TOPBP1: variants seen among roughly 807,000 people sequenced by gnomAD.
TOPBP1 encodes the protein DNA topoisomerase II binding protein 1.
Under a neutral mutation model 167.7 loss-of-function variants are expected in TOPBP1, and 28 were observed. The observed-to-expected ratio is 0.17, with a 90% CI of 0.12 to 0.23. The LOEUF is 0.23. Among genes scored for constraint, TOPBP1 ranks in the 10% least tolerant of loss-of-function variants. The probability of loss-of-function intolerance (pLI) is 1.00; values close to 1 mark genes in which losing one functional copy is unlikely to be tolerated. For synonymous variants in TOPBP1, 598 were observed against 611.4 expected (o/e 0.98, Z 0.32); for missense variants, 1,554 against 1,809.6 (o/e 0.86, Z 2.56).
intron 4 of TOPBP1, 103 bp from the exon 5 acceptor site, chr3:133,656,960 CA>C: frequency 9.5e-7 from 1 of 1,054,384 alleles, no homozygotes; most frequent in Non-Finnish European, 1.3e-6. Context: ...AGTTTGAATA[CA>C]TAAGTGTTAC....
At chr3:133,655,873 T>C (rs1260928635) in intron 5 of TOPBP1, among the ~76,000 whole-genome samples, 1 of 152,158 alleles carries the variant, frequency 6.6e-6, no homozygotes, top group Non-Finnish European at 1.5e-5. Context: ...GTAAAAGCAA[T>C]GATTTTTGGC....
At chr3:133,637,849 T>C (rs1300014194) in intron 14 of TOPBP1, 27 bp downstream of exon 14, 2 of 1,608,280 alleles carry the variant, frequency 1.2e-6, no homozygotes, top group Admixed American at 3.4e-5. Context: ...AACTGTTAAC[T>C]CTGGGACCAC....
At chr3:133,610,601 G>A (rs531369118) in intron 25 of TOPBP1, among the ~76,000 whole-genome samples, 11 of 145,900 alleles carry the variant, frequency 7.5e-5, no homozygotes, top group African/African-American at 2.8e-4. Context: ...GGAAGTGCTA[G>A]TTTTCTCAAA....
chr3:133,620,596 G>A (rs538524478), intron 19 of TOPBP1, among the ~76,000 whole-genome samples: 8 of 109,536 alleles, frequency 7.3e-5, no homozygotes, highest in Non-Finnish European at 1.7e-4. Flanking sequence ...TTTTTTTTTG[G>A]TGATAGTCTA....
intron 12 of TOPBP1, among the ~76,000 whole-genome samples, chr3:133,641,839 CA>C (rs1221159233): frequency 2.0e-5 from 3 of 152,010 alleles, no homozygotes; most frequent in African/African-American, 7.2e-5. Context: ...CAGAAAACAG[CA>C]AAAAAAGAAA....
At chr3:133,628,190 T>C (rs1550742) in intron 16 of TOPBP1, 172 bp downstream of exon 16, 452,639 of 617,618 alleles carry the variant, frequency 0.73, 166,945 homozygotes, top group African/African-American at 0.79. Flanking sequence ...TGAATTGATA[T>C]GTGAGAGGCT....
Position 133,624,018 on chromosome 3 carries a change from T to C in TOPBP1, c.2928+34A>G, listed in dbSNP as rs1187654286. On this transcript the variant is annotated intron_variant, in intron 17 of 27. Coordinates refer to ENST00000260810, the MANE Select transcript of TOPBP1 (RefSeq NM_007027.4). ...AATAATGTTTGTATACATTTTCAAT[T>C]AACAGAGATGGGGGGGAAAAAAGCA... 9 of 1,594,318 alleles carry C rather than the reference T, an allele frequency of 5.6e-6. No individual in the cohort carries two copies. The African/African-American group carries it at 1.1e-4, about 19-fold the overall frequency.
At chr3:133,661,228 G>T in intron 1 of TOPBP1, 94 bp from the exon 2 acceptor site, 1 of 873,162 alleles carries the variant, frequency 1.1e-6, no homozygotes, top group Non-Finnish European at 1.7e-6. Context: ...AGACAAGAAT[G>T]CCTAAAGACA....
At chr3:133,620,681 T>C (rs1030454035) in intron 19 of TOPBP1, among the ~76,000 whole-genome samples, 15 of 151,006 alleles carry the variant, frequency 9.9e-5, no homozygotes, top group Admixed American at 4.6e-4. Flanking sequence ...CAAGCAATTC[T>C]CCCTGCCTCA....
Position 133,628,665 on chromosome 3 carries a change from G to A in TOPBP1, c.2589C>T (p.Leu863=), listed in dbSNP as rs1576295399. The change falls in exon 15 of 28, where the codon CTC becomes CTT. Residue 863 remains leucine (L), a synonymous_variant. Transcript: ENST00000260810. The part of the protein sequence containing the change: ...SQQKRKPSTP[L]SEVIVKNLQL... ...GCAAGTTTTTGACAATAACTTCTGA[G>A]AGTGGCGTACTCGGTTTCCTTTTCT... The A allele has an allele frequency of 6.3e-7, 1 of 1,577,630 alleles. No homozygotes were observed. Among genetic ancestry groups the A allele is most frequent in the East Asian group, 2.3e-5 (1 of 43,142 alleles).
chr3:133,615,395 T>C (rs1460384562), intron 23 of TOPBP1, among the ~76,000 whole-genome samples: 2 of 152,194 alleles, frequency 1.3e-5, no homozygotes, highest in African/African-American at 4.8e-5. Context: ...AAGAATTGCT[T>C]GAGCCCAGGA....
At chr3:133,629,765 C>G (rs560754559) in intron 14 of TOPBP1, among the ~76,000 whole-genome samples, 1 of 151,802 alleles carries the variant, frequency 6.6e-6, no homozygotes, top group South Asian at 2.1e-4. Context: ...GGTTAAATAT[C>G]TTTATATGTG....
chr3:133,623,161 T>C lies in TOPBP1; in HGVS notation c.3108A>G (p.Val1036=). The part of the protein sequence containing the change: ...PDPLILEEND[V]DNMATNNKES... The stretch of plus-strand genomic sequence containing the variant: ...CTTTATTATTGGTGGCCATATTGTC[T>C]ACATCATTTTCTTCTAAAATCAAAG... The change falls in exon 19 of 28, where the codon GTA becomes GTG. Residue 1036 remains valine (V), a synonymous_variant. Transcript: ENST00000260810. 8.1e-6 allele frequency: 13 copies of C among 1,612,584 alleles called. No homozygotes were observed. Among genetic ancestry groups the C allele is most frequent in the Non-Finnish European group, 1.1e-5 (13 of 1,179,082 alleles).
intron 11 of TOPBP1, 33 bp downstream of exon 11, chr3:133,643,987 G>A (rs199780853): frequency 3.3e-6 from 5 of 1,535,308 alleles, no homozygotes; most frequent in South Asian, 2.5e-5. Context: ...GATATCCTTC[G>A]ATACTTTATT....
In TOPBP1 at chr3:133,639,053, C is replaced by T. The variant is rs543632451; in HGVS notation, c.2234-891G>A. On this transcript the variant is annotated intron_variant, in intron 13 of 27. Coordinates refer to ENST00000260810, the MANE Select transcript of TOPBP1 (RefSeq NM_007027.4). ...AAGAATGCTTCCCAAGACAGTGTGGCGATTCCTCAAAGATCTAGAACTAGA... is the reference window on the plus strand; with the variant it reads ...AAGAATGCTTCCCAAGACAGTGTGGTGATTCCTCAAAGATCTAGAACTAGA... Among the ~76,000 whole-genome samples the T allele has an allele frequency of 2.0e-3, 303 of 152,242 alleles. 2 individuals are homozygous for T. The highest frequency in any genetic ancestry group is 7.1e-3 in the African/African-American group (293 of 41,532).
At chr3:133,635,378 T>G (rs1935631552) in intron 14 of TOPBP1, among the ~76,000 whole-genome samples, 1 of 152,106 alleles carries the variant, frequency 6.6e-6, no homozygotes, top group African/African-American at 2.4e-5. Context: ...CTCACCCTCC[T>G]GAGTTCTAGG....
intron 27 of TOPBP1, among the ~76,000 whole-genome samples, chr3:133,606,303 G>C (rs1934490512): frequency 6.6e-6 from 1 of 151,988 alleles, no homozygotes; most frequent in African/African-American, 2.4e-5. Context: ...TCACAAAATA[G>C]GAATAAATTT....
Position 133,652,520 on chromosome 3 carries a change from T to C in TOPBP1, c.1032A>G (p.Leu344=), listed in dbSNP as rs1559831925. Residue 344 remains leucine, a synonymous_variant, in exon 8 of 28, where the codon CTA becomes CTG. Transcript: ENST00000260810. Reference sequence around the variant, plus strand: ...GAAATGCACTGACATCCAGATTTTCTAGATTTTCAAGTGTAGGCTCCAGTT... The same window carrying C: ...GAAATGCACTGACATCCAGATTTTCCAGATTTTCAAGTGTAGGCTCCAGTT... The part of the protein sequence containing the change: ...NSKLEPTLEN[L]ENLDVSAFQA... The C allele has an allele frequency of 6.2e-7, 1 of 1,611,920 alleles. No homozygotes were observed. The highest frequency in any genetic ancestry group is 8.5e-7 in the Non-Finnish European group (1 of 1,179,846).
In TOPBP1 at chr3:133,620,366, ACACCATT is replaced by A; in HGVS notation, c.3179-26_3179-20del. On this transcript the variant is annotated intron_variant, in intron 19 of 27. Coordinates refer to ENST00000260810, the MANE Select transcript of TOPBP1 (RefSeq NM_007027.4). Reference sequence around the variant, plus strand: ...GTCAGAACTTGAAACAAACACAAATACACCATTCAAGGTAAGTTCCTCTTTTTTACCA... The same window carrying A: ...GTCAGAACTTGAAACAAACACAAATACAAGGTAAGTTCCTCTTTTTTACCA... The A allele has an allele frequency of 1.2e-6, 2 of 1,606,026 alleles. No homozygotes were observed. The highest frequency in any genetic ancestry group is 2.2e-5 in the South Asian group (2 of 90,186).
Sources: gnomAD v4.1 joint callset for allele counts (sites outside exome capture counted in the v4.1 genomes callset) on GRCh38, gnomAD v4.1.1 for gene constraint, MANE v1.5 for transcripts, NCBI Gene and HGNC (gene_info 2026-07-23, HGNC 2026-07-21) for gene names.